GALNT9: variants seen among roughly 807,000 people sequenced by gnomAD.
GALNT9 encodes GalNAc transferase 9.
A neutral mutation model predicts 63.1 loss-of-function variants in GALNT9; 47 were observed. The ratio of observed to expected loss-of-function variants is 0.75; its 90% CI spans 0.59 to 0.95. The LOEUF is 0.95. GALNT9 is among the 40% of genes least tolerant of loss of function. The pLI is 0.00. For synonymous variants in GALNT9, 396 were observed against 365.7 expected (o/e 1.08, Z -0.94); for missense variants, 829 against 874.8 (o/e 0.95, Z 0.66).
chr12:132,284,287 CCACCCGCACACAACGCGCG>C (rs1880499878), intron 2 of GALNT9: 1 of 151,990 alleles, frequency 6.6e-6, no homozygotes, highest in Non-Finnish European at 1.5e-5. Flanking sequence ...ACACCCACAC[CCACCCGCACACAACGCGCG>C]CGCACGCACA....
At position 132,316,045 on chromosome 12, in the gene GALNT9, C is replaced by T. The variant is rs969931203; in HGVS notation, c.238+12921G>A. ...CAGCCCCCGAAACGGCCGCCCACCCCCTCACGCCTGCAGGTCTTGGGTTCC... is the reference window on the plus strand; with the variant it reads ...CAGCCCCCGAAACGGCCGCCCACCCTCTCACGCCTGCAGGTCTTGGGTTCC... On this transcript the variant is annotated intron_variant, in intron 1 of 10. Coordinates refer to ENST00000328957, the MANE Select transcript of GALNT9 (RefSeq NM_001122636.2). This position sits in a 1 kb window ranked among gnomAD's most constrained non-coding sequence, Gnocchi z 4.3. Among the ~76,000 whole-genome samples, 6 of 152,312 alleles carry T rather than the reference C, an allele frequency of 3.9e-5. No homozygotes were observed. The highest frequency in any genetic ancestry group is 1.4e-4 in the African/African-American group (6 of 41,568).
At position 132,286,121 on chromosome 12, in the gene GALNT9, C is replaced by A; in HGVS notation, c.419+129G>T. 1.7e-6 allele frequency: 2 copies of A among 1,174,888 alleles called. No homozygotes were observed. Among genetic ancestry groups the A allele is most frequent in the Non-Finnish European group, 2.3e-6 (2 of 876,032 alleles). The allele number at this position is 1,174,888 out of a possible 1,614,324, so 72.8% of individuals were successfully genotyped here. ...CCCCGGCGGGCGTGGGGGGCGGTCA[C>A]TTCCCTGGCGGGCGTGGGGGCCGCT... On this transcript the variant is annotated intron_variant, in intron 2 of 10. Coordinates refer to ENST00000328957, the MANE Select transcript of GALNT9 (RefSeq NM_001122636.2). The surrounding 1 kb of genome is among the most constrained non-coding windows in gnomAD (Gnocchi z 7.4).
intron 6 of GALNT9, among the ~76,000 whole-genome samples, chr12:132,237,330 A>G (rs1184478653): frequency 2.0e-5 from 3 of 151,812 alleles, no homozygotes; most frequent in African/African-American, 7.3e-5. Context: ...ACACCTGCCC[A>G]AACCTGCTCA....
intron 5 of GALNT9, 85 bp downstream of exon 5, chr12:132,257,604 C>T (rs1439625798): frequency 9.3e-7 from 1 of 1,080,350 alleles, no homozygotes; most frequent in Admixed American, 2.2e-5. Flanking sequence ...GGCCCTCATC[C>T]CTGGCCCTCG....
At chr12:132,243,973 T>A (rs1468844732) in intron 6 of GALNT9, among the ~76,000 whole-genome samples, 2 of 151,894 alleles carry the variant, frequency 1.3e-5, no homozygotes, top group Admixed American at 6.6e-5. Flanking sequence ...ACAGTAAAGA[T>A]GTTAATGAAG....
chr12:132,196,768 C>T lies in GALNT9; in HGVS notation c.*339G>A. 3.7e-6 allele frequency: 4 copies of T among 1,081,712 alleles called. No homozygotes were observed. Among genetic ancestry groups the T allele is most frequent in the Non-Finnish European group, 4.5e-6 (4 of 889,368 alleles). The allele number at this position is 1,081,712 out of a possible 1,614,324, so 67.0% of individuals were successfully genotyped here. A position where few individuals can be genotyped will look rare whatever the true frequency, so the allele number is the denominator to read the frequency against. On this transcript the variant is annotated 3_prime_UTR_variant, in exon 11 of 11. Coordinates refer to ENST00000328957, the MANE Select transcript of GALNT9 (RefSeq NM_001122636.2). ...TGGTGCATGGTCCGGGGCTTGGCCT[C>T]CCTATGGGGCGTGGGGGGCTGTGGT...
intron 6 of GALNT9, among the ~76,000 whole-genome samples, chr12:132,207,846 C>T (rs150972317): frequency 1.0e-3 from 154 of 152,238 alleles, no homozygotes; most frequent in African/African-American, 3.6e-3. Flanking sequence ...AGAGTGAACC[C>T]CCATGCCCTC....
At chr12:132,302,027 T>C (rs1416011692) in intron 1 of GALNT9, among the ~76,000 whole-genome samples, 1 of 152,168 alleles carries the variant, frequency 6.6e-6, no homozygotes, top group Non-Finnish European at 1.5e-5. Context: ...ATTTATTAAT[T>C]ACATATTTAG....
At chr12:132,303,173 C>A (rs1434349635) in intron 1 of GALNT9, among the ~76,000 whole-genome samples, 1 of 152,058 alleles carries the variant, frequency 6.6e-6, no homozygotes, top group Non-Finnish European at 1.5e-5. Context: ...CGGTAGTCCC[C>A]GTCAGACCCT....
At chr12:132,198,107 C>CG in intron 9 of GALNT9, 148 bp from the exon 10 acceptor site, 1 of 661,984 alleles carries the variant, frequency 1.5e-6, no homozygotes, top group South Asian at 2.0e-5. Context: ...CTGTTGCGGG[C>CG]GGGAGAGGAC....
intron 6 of GALNT9, chr12:132,247,458 A>G: frequency 2.6e-6 from 1 of 378,140 alleles, no homozygotes; most frequent in South Asian, 2.0e-5. Flanking sequence ...ACTCCAGCTC[A>G]GGGACCCTGG....
At chr12:132,253,784 C>T (rs782178189) in intron 5 of GALNT9, among the ~76,000 whole-genome samples, 3 of 152,150 alleles carry the variant, frequency 2.0e-5, no homozygotes. Context: ...TTCCATTCCC[C>T]AAAGAGATCA....
intron 2 of GALNT9, among the ~76,000 whole-genome samples, chr12:132,266,831 C>T (rs910926849): frequency 3.3e-5 from 5 of 152,078 alleles, no homozygotes; most frequent in Admixed American, 6.6e-5. Context: ...GGCATTGCTG[C>T]GTGGGCCACC....
chr12:132,224,694 AC>A (rs1342668374), intron 6 of GALNT9, among the ~76,000 whole-genome samples: 1 of 125,492 alleles, frequency 8.0e-6, no homozygotes, highest in Non-Finnish European at 1.7e-5. Flanking sequence ...CACACCCCAC[AC>A]ACTGTGCATA....
intron 1 of GALNT9, among the ~76,000 whole-genome samples, chr12:132,314,751 C>T (rs1868421087): frequency 6.6e-6 from 1 of 152,156 alleles, no homozygotes; most frequent in Non-Finnish European, 1.5e-5. Flanking sequence ...GGCAGTCATT[C>T]GGTGAATGAA....
At chr12:132,240,369 C>A (rs1463031053) in intron 6 of GALNT9, 13 of 351,242 alleles carry the variant, frequency 3.7e-5, no homozygotes, top group East Asian at 1.5e-4. Context: ...CTGTACACCC[C>A]ATGCTGGCCA....
chr12:132,294,709 G>C (rs376680393), intron 1 of GALNT9, among the ~76,000 whole-genome samples: 1 of 152,060 alleles, frequency 6.6e-6, no homozygotes, highest in African/African-American at 2.4e-5. Context: ...GTGCAGACCC[G>C]GGGCAGCCTC....
rs78917932 is a variant in GALNT9, at chr12:132,199,322, C to T, written c.1402-53G>A. 7.9e-3 allele frequency: 10,181 copies of T among 1,285,944 alleles called. 388 individuals are homozygous for T. In the African/African-American group the frequency reaches 0.1, roughly 13 times the overall value. 79.7% of individuals were successfully genotyped at this position (1,285,944 alleles called of 1,614,324 possible). ...CCAGAGTCACCCGAGGGTGCGGCCC[C>T]AGGGAGCTTCACGCAGCCAGCTCTG... On this transcript the variant is annotated intron_variant, in intron 8 of 10. Transcript: ENST00000328957.
intron 2 of GALNT9, among the ~76,000 whole-genome samples, chr12:132,269,439 C>T (rs187942038): frequency 4.7e-4 from 72 of 152,116 alleles, no homozygotes; most frequent in African/African-American, 1.1e-3. Context: ...GCGGGAGCCA[C>T]GGAGTCCCAT....
Sources: allele counts gnomAD v4.1 joint callset (sites outside exome capture counted in the v4.1 genomes callset), GRCh38; gene constraint gnomAD v4.1.1; non-coding constraint Gnocchi (gnomAD v3.1); transcripts MANE v1.5; gene names NCBI Gene and HGNC (gene_info 2026-07-23, HGNC 2026-07-21).